ITK: variants seen among roughly 807,000 people sequenced by gnomAD.
The protein encoded by ITK is tyrosine-protein kinase ITK/TSK.
Under a neutral mutation model 87.6 loss-of-function variants are expected in ITK, and 45 were observed. That is an observed-to-expected ratio of 0.51 (90% CI 0.40 to 0.66). ITK has a LOEUF of 0.66. Ranked by LOEUF, ITK falls within the 30% of genes least tolerant of loss-of-function variation. ITK has a pLI of 0.00. For missense variants in ITK, 605 were observed against 766.3 expected, an observed-to-expected ratio of 0.79 and a Z score of 2.48; for synonymous variants, 303 against 273.6, an observed-to-expected ratio of 1.11 and a Z score of -1.06.
At chr5:157,193,507 G>C (rs1177087887) in intron 1 of ITK, among the ~76,000 whole-genome samples, 2 of 152,236 alleles carry the variant, frequency 1.3e-5, no homozygotes, top group African/African-American at 4.8e-5. Flanking sequence ...TCAAGGTTAA[G>C]TGTTTTATAT....
chr5:157,183,556 C>A (rs1188452085), intron 1 of ITK, among the ~76,000 whole-genome samples: 1 of 152,062 alleles, frequency 6.6e-6, no homozygotes, highest in Admixed American at 6.6e-5. Context: ...TATTTGTATC[C>A]CTTTCATGTC....
chr5:157,241,470 G>T, intron 10 of ITK, 176 bp from the exon 11 acceptor site: 1 of 630,978 alleles, frequency 1.6e-6, no homozygotes. Flanking sequence ...GCCCATCTGT[G>T]CTTATGATGT....
chr5:157,228,288 T>C lies in ITK; in HGVS notation c.648-8T>C, dbSNP rs1754577712. On this transcript the variant is annotated splice_polypyrimidine_tract_variant and splice_region_variant and intron_variant, in intron 6 of 16. Coordinates refer to ENST00000422843, the MANE Select transcript of ITK (RefSeq NM_005546.4). ...TGTAAGTCTAAACATTAATTTTCCT[T>C]TTAACAGGCATGAAGGATATGTACC... 1.9e-6 allele frequency: 3 copies of C among 1,573,726 alleles called. No individual in the cohort carries two copies. The highest frequency in any genetic ancestry group is 2.6e-6 in the Non-Finnish European group (3 of 1,143,336).
intron 4 of ITK, among the ~76,000 whole-genome samples, chr5:157,215,980 C>A (rs1398456388): frequency 2.0e-5 from 3 of 152,300 alleles, no homozygotes; most frequent in African/African-American, 7.2e-5. Flanking sequence ...ACTGGTCATG[C>A]TGAGCTGTTC....
chr5:157,208,823 G>A lies in ITK; in HGVS notation c.139-66G>A, dbSNP rs984549897. ...GGATCTTATCTAGCAGTAGATTTCT[G>A]GAGCAATCTGGACAAAAATATTGTC... On this transcript the variant is annotated intron_variant, in intron 1 of 16. Transcript: ENST00000422843. 2.7e-5 allele frequency: 30 copies of A among 1,116,150 alleles called. No individual in the cohort carries two copies. In the Admixed American group the frequency reaches 4.4e-4, roughly 16 times the overall value. The allele number at this position is 1,116,150 out of a possible 1,614,324, so 69.1% of individuals were successfully genotyped here. A position where few individuals can be genotyped will look rare whatever the true frequency, so the allele number is the denominator to read the frequency against.
At chr5:157,224,874 G>A (rs1196574956) in intron 6 of ITK, among the ~76,000 whole-genome samples, 1 of 152,072 alleles carries the variant, frequency 6.6e-6, no homozygotes, top group Non-Finnish European at 1.5e-5. Context: ...ACATTTAGTT[G>A]CCAGTTTATT....
In ITK at chr5:157,249,003, A is replaced by G; in HGVS notation, c.1787A>G (p.Lys596Arg). ...HVYQIMNHCW[K>R]ERPEDRPAFS... ...TACCAGATTATGAATCACTGCTGGAAAGAGGTCAGTGGAGGAAGTGCTTCC... is the reference window on the plus strand; with the variant it reads ...TACCAGATTATGAATCACTGCTGGAGAGAGGTCAGTGGAGGAAGTGCTTCC... Residue 596 changes from lysine to arginine, a missense_variant, in exon 16 of 17, where the codon AAA becomes AGA. Coordinates refer to ENST00000422843, the MANE Select transcript of ITK (RefSeq NM_005546.4). The G allele has an allele frequency of 1.2e-6, 2 of 1,613,836 alleles. No homozygotes were observed. Among genetic ancestry groups the G allele is most frequent in the East Asian group, 4.5e-5 (2 of 44,886 alleles).
Position 157,234,967 on chromosome 5 carries a change from A to T in ITK, c.768+2573A>T, listed in dbSNP as rs537466742. Among the ~76,000 whole-genome samples, 9 of 152,280 alleles carry T rather than the reference A, an allele frequency of 5.9e-5. 1 individual carries two copies. In the South Asian group the frequency reaches 1.9e-3, roughly 32 times the overall value. On this transcript the variant is annotated intron_variant, in intron 8 of 16. Coordinates refer to ENST00000422843, the MANE Select transcript of ITK (RefSeq NM_005546.4). ...AAAAAGAGATGAATTGATTCATTAC[A>T]CCTTTTTATGAACTAAAACTCCTGG...
intron 1 of ITK, among the ~76,000 whole-genome samples, chr5:157,194,667 C>A (rs563987278): frequency 6.6e-6 from 1 of 152,294 alleles, no homozygotes; most frequent in South Asian, 2.1e-4. Flanking sequence ...CAAGATGGCA[C>A]ATGGACAAAT....
At position 157,244,361 on chromosome 5, in the gene ITK, A is replaced by G. The variant is rs758367076; in HGVS notation, c.1332A>G (p.Ser444=). ...AGTTCATGGAGCACGGCTGCCTGTC[A>G]GATTATCTACGCACCCAGCGGGGAC... is the stretch of plus-strand genomic sequence containing the variant. ...VFEFMEHGCL[S]DYLRTQRGLF... is the part of the protein sequence containing the mutation. The change falls in exon 13 of 17, where the codon TCA becomes TCG. Residue 444 remains serine (S), a synonymous_variant. Coordinates refer to ENST00000422843, the MANE Select transcript of ITK (RefSeq NM_005546.4). 3.7e-6 allele frequency: 6 copies of G among 1,614,012 alleles called. No individual in the cohort carries two copies. The East Asian group carries it at 1.3e-4, about 36-fold the overall frequency.
At chr5:157,239,363 G>A (rs964363889) in intron 9 of ITK, among the ~76,000 whole-genome samples, 1 of 152,178 alleles carries the variant, frequency 6.6e-6, no homozygotes, top group Non-Finnish European at 1.5e-5. Flanking sequence ...CCAGCAACAA[G>A]TTGTAACCAC....
Position 157,232,370 on chromosome 5 carries a change from A to G in ITK, c.744A>G (p.Lys248=). 1.2e-6 allele frequency: 2 copies of G among 1,611,850 alleles called. No individual in the cohort carries two copies. Among genetic ancestry groups the G allele is most frequent in the Non-Finnish European group, 1.7e-6 (2 of 1,178,252 alleles). The change falls in exon 8 of 17, where the codon AAA becomes AAG. Residue 248 remains lysine, a synonymous_variant. Transcript: ENST00000422843. ...ACAATAAGAGTATCAGCCGAGACAAAGCTGAAAAACTTCTTTTGGACACAG... is the reference window on the plus strand; with the variant it reads ...ACAATAAGAGTATCAGCCGAGACAAGGCTGAAAAACTTCTTTTGGACACAG... ...EWYNKSISRD[K]AEKLLLDTGK... is the part of the protein sequence containing the mutation.
chr5:157,200,072 A>G (rs910684840), intron 1 of ITK, among the ~76,000 whole-genome samples: 19 of 132,038 alleles, frequency 1.4e-4, no homozygotes, highest in African/African-American at 5.4e-4. Flanking sequence ...AAAGAAAAAG[A>G]AGGAAAGAAA....
intron 1 of ITK, among the ~76,000 whole-genome samples, chr5:157,187,691 C>A (rs2113737017): frequency 6.6e-6 from 1 of 152,262 alleles, no homozygotes; most frequent in African/African-American, 2.4e-5. Context: ...GGGCCGGGTC[C>A]CAGCCCTCAA....
intron 7 of ITK, among the ~76,000 whole-genome samples, chr5:157,229,560 C>CA (rs35984430): frequency 1.6e-3 from 240 of 150,586 alleles, no homozygotes; most frequent in African/African-American, 5.5e-3. Context: ...CTGGGCTCTT[C>CA]AAAAAAAAAT....
chr5:157,236,577 T>C lies in ITK; in HGVS notation c.769-1532T>C, dbSNP rs115829355. On this transcript the variant is annotated intron_variant, in intron 8 of 16. Coordinates refer to ENST00000422843, the MANE Select transcript of ITK (RefSeq NM_005546.4). ...GTATGCCCTCCGCACAAGGATCTTG[T>C]CTAACTCTGACCTTTACTTAGGGCC... Among the ~76,000 whole-genome samples, 977 of 152,298 alleles carry C rather than the reference T, an allele frequency of 6.4e-3. 11 individuals are homozygous for C. Among genetic ancestry groups the C allele is most frequent in the African/African-American group, 0.023 (939 of 41,554 alleles).
At position 157,245,759 on chromosome 5, in the gene ITK, G is replaced by C; in HGVS notation, c.1483G>C (p.Val495Leu). The C allele has an allele frequency of 2.5e-6, 4 of 1,614,174 alleles. No individual in the cohort carries two copies. Among genetic ancestry groups the C allele is most frequent in the Non-Finnish European group, 3.4e-6 (4 of 1,180,030 alleles). The change falls in exon 14 of 17, where the codon GTC (valine) becomes CTC (leucine). Residue 495 changes from valine (V) to leucine (L), a missense_variant. Coordinates refer to ENST00000422843, the MANE Select transcript of ITK (RefSeq NM_005546.4). ...ARNCLVGENQ[V>L]IKVSDFGMTR... is the part of the protein sequence containing the mutation. ...AAATTGTTTGGTGGGAGAAAACCAA[G>C]TCATCAAGGTGTCTGACTTTGGGAT...
intron 3 of ITK, among the ~76,000 whole-genome samples, chr5:157,212,182 T>G (rs989345989): frequency 6.6e-6 from 1 of 152,152 alleles, no homozygotes; most frequent in African/African-American, 2.4e-5. Context: ...GTTGTGAGAA[T>G]TGAATGATTG....
intron 8 of ITK, among the ~76,000 whole-genome samples, chr5:157,236,236 G>A (rs902998567): frequency 3.9e-5 from 6 of 152,104 alleles, no homozygotes; most frequent in Admixed American, 1.3e-4. Context: ...TTAGCCAGGC[G>A]TGGTGGCGGG....
Sources: allele counts gnomAD v4.1 joint callset (sites outside exome capture counted in the v4.1 genomes callset), GRCh38; gene constraint gnomAD v4.1.1; transcripts MANE v1.5; gene names NCBI Gene and HGNC (gene_info 2026-07-23, HGNC 2026-07-21).